The following LDLRAD3 variants were observed in gnomAD, a reference collection of about 807,000 sequenced individuals.
The protein encoded by LDLRAD3 is low-density lipoprotein receptor class A domain-containing protein 3.
In LDLRAD3, 20 loss-of-function variants were observed where a neutral mutation model predicts 29.4. That is an observed-to-expected ratio of 0.68 (90% confidence interval 0.48 to 0.99). The LOEUF is 0.99. LDLRAD3 is among the 50% of genes least tolerant of loss of function. The pLI is 0.00. For synonymous variants in LDLRAD3, 157 were observed against 192.7 expected, an observed-to-expected ratio of 0.81 and a Z score of 1.53; for missense variants, 420 against 454.3, an observed-to-expected ratio of 0.92 and a Z score of 0.69.
At chr11:35,958,941 A>C (rs1851241352) in intron 1 of LDLRAD3, among the ~76,000 whole-genome samples, 1 of 152,190 alleles carries the variant, frequency 6.6e-6, no homozygotes, top group Non-Finnish European at 1.5e-5. Context: ...CTTTGCAAGA[A>C]GGCTCTGTGG....
intron 1 of LDLRAD3, among the ~76,000 whole-genome samples, chr11:35,987,465 GA>G (rs1488675070): frequency 1.3e-5 from 2 of 152,144 alleles, no homozygotes; most frequent in African/African-American, 4.8e-5. Context: ...TTATGTCCAT[GA>G]ATACCCAATA....
chr11:36,225,736 C>G (rs1015701889), intron 4 of LDLRAD3, among the ~76,000 whole-genome samples: 60 of 152,196 alleles, frequency 3.9e-4, no homozygotes, highest in Admixed American at 3.3e-4. Flanking sequence ...ATCACACCAC[C>G]TACCCCATGG....
At chr11:36,152,949 C>T (rs1292588515) in intron 4 of LDLRAD3, among the ~76,000 whole-genome samples, 1 of 152,122 alleles carries the variant, frequency 6.6e-6, no homozygotes, top group African/African-American at 2.4e-5. Flanking sequence ...GTCAAGGGTA[C>T]AATCAAGCAG....
chr11:36,183,854 C>T (rs1854803328), intron 4 of LDLRAD3, among the ~76,000 whole-genome samples: 1 of 152,010 alleles, frequency 6.6e-6, no homozygotes, highest in Non-Finnish European at 1.5e-5. Context: ...ATTCTTTTTT[C>T]ATCTGTGTCT....
intron 4 of LDLRAD3, among the ~76,000 whole-genome samples, chr11:36,198,374 TAC>T (rs34266688): frequency 0.37 from 55,588 of 151,258 alleles, 10,344 homozygotes; most frequent in East Asian, 0.51. Flanking sequence ...TGGTTAGAAA[TAC>T]ACACACACAC....
intron 1 of LDLRAD3, among the ~76,000 whole-genome samples, chr11:35,975,206 A>G (rs1851460794): frequency 6.6e-6 from 1 of 152,174 alleles, no homozygotes; most frequent in Admixed American, 6.5e-5. Context: ...ACCTGTTTCC[A>G]TACATTTGGC....
chr11:36,189,726 C>T (rs1420185284), intron 4 of LDLRAD3, among the ~76,000 whole-genome samples: 1 of 152,068 alleles, frequency 6.6e-6, no homozygotes, highest in Non-Finnish European at 1.5e-5. Context: ...TTTCCCTCCC[C>T]CCTTCCCCCA....
At chr11:36,147,839 C>G (rs1489624221) in intron 4 of LDLRAD3, among the ~76,000 whole-genome samples, 1 of 151,950 alleles carries the variant, frequency 6.6e-6, no homozygotes, top group African/African-American at 2.4e-5. Flanking sequence ...GCCTTTATTT[C>G]TTTTCCTTTT....
At chr11:36,081,567 A>T in intron 2 of LDLRAD3, 86 bp from the exon 3 acceptor site, 1 of 1,550,158 alleles carries the variant, frequency 6.5e-7, no homozygotes, top group South Asian at 1.2e-5. Context: ...AAGTGGACTC[A>T]TTTTCACATT....
intron 1 of LDLRAD3, chr11:35,967,089 G>T: frequency 5.0e-6 from 1 of 201,610 alleles, no homozygotes; most frequent in East Asian, 1.2e-4. Context: ...GGTGTTTTCT[G>T]ATCCCGTGTG....
chr11:36,140,585 T>C (rs989642272), intron 4 of LDLRAD3, among the ~76,000 whole-genome samples: 4 of 152,126 alleles, frequency 2.6e-5, no homozygotes, highest in African/African-American at 9.7e-5. Flanking sequence ...TGCGCCACCA[T>C]GCCCAGCTAA....
At chr11:36,039,877 T>C (rs1852358023) in intron 2 of LDLRAD3, among the ~76,000 whole-genome samples, 1 of 152,226 alleles carries the variant, frequency 6.6e-6, no homozygotes, top group South Asian at 2.1e-4. Context: ...GACAGAAATA[T>C]ACAATGGTTT....
intron 4 of LDLRAD3, among the ~76,000 whole-genome samples, chr11:36,100,627 A>AC (rs1853432353): frequency 6.6e-6 from 1 of 152,096 alleles, no homozygotes; most frequent in Non-Finnish European, 1.5e-5. Flanking sequence ...TTTAGTAGAG[A>AC]TGGGTTTCAC....
At chr11:36,193,871 T>C (rs887272216) in intron 4 of LDLRAD3, among the ~76,000 whole-genome samples, 2 of 152,124 alleles carry the variant, frequency 1.3e-5, no homozygotes, top group Non-Finnish European at 2.9e-5. Context: ...ATTCAGATCT[T>C]AGCTCTGCCA....
chr11:36,145,142 T>C (rs1854163461), intron 4 of LDLRAD3, among the ~76,000 whole-genome samples: 1 of 110,320 alleles, frequency 9.1e-6, no homozygotes, highest in African/African-American at 3.7e-5. Flanking sequence ...AGCTGCCCCA[T>C]CTGGGAGGGA....
intron 4 of LDLRAD3, among the ~76,000 whole-genome samples, chr11:36,164,817 A>G (rs73437268): frequency 0.023 from 3,458 of 152,348 alleles, 122 homozygotes; most frequent in African/African-American, 0.074. Flanking sequence ...TGGATGTTAG[A>G]TTAGAAAATT....
At chr11:36,137,118 T>C (rs1212893579) in intron 4 of LDLRAD3, among the ~76,000 whole-genome samples, 1 of 152,170 alleles carries the variant, frequency 6.6e-6, no homozygotes, top group African/African-American at 2.4e-5. Context: ...AGCATAGATA[T>C]TAGGAAGAGG....
intron 4 of LDLRAD3, among the ~76,000 whole-genome samples, chr11:36,225,136 G>A (rs1855481916): frequency 6.6e-6 from 1 of 152,156 alleles, no homozygotes; most frequent in African/African-American, 2.4e-5. Flanking sequence ...CAGGACAGAG[G>A]ACATGAGTCA....
intron 4 of LDLRAD3, among the ~76,000 whole-genome samples, chr11:36,179,492 C>G (rs1854725958): frequency 1.3e-5 from 2 of 151,904 alleles, no homozygotes; most frequent in African/African-American, 4.8e-5. Flanking sequence ...AAGGTTAGAG[C>G]CCAGAAACCT....
Sources: gnomAD v4.1 joint callset for allele counts (sites outside exome capture counted in the v4.1 genomes callset) on GRCh38, gnomAD v4.1.1 for gene constraint, MANE v1.5 for transcripts, NCBI Gene and HGNC (gene_info 2026-07-23, HGNC 2026-07-21) for gene names.